PDE8B: variants seen among roughly 807,000 people sequenced by gnomAD.
The protein encoded by PDE8B is phosphodiesterase 8B.
In PDE8B, 26 loss-of-function variants were observed where a neutral mutation model predicts 101.3. That is an observed-to-expected ratio of 0.26 (90% CI 0.19 to 0.36). PDE8B has a LOEUF of 0.36. Ranked by LOEUF, PDE8B falls within the 10% of genes least tolerant of loss-of-function variation. The probability of loss-of-function intolerance (pLI) is 1.00; values close to 1 mark genes in which losing one functional copy is unlikely to be tolerated. For synonymous variants in PDE8B, 424 were observed against 429.3 expected, an observed-to-expected ratio of 0.99 and a Z score of 0.15; for missense variants, 810 against 1,163.1, an observed-to-expected ratio of 0.70 and a Z score of 4.42.
intron 1 of PDE8B, among the ~76,000 whole-genome samples, chr5:77,230,723 G>A (rs1401280976): frequency 6.6e-6 from 1 of 152,156 alleles, no homozygotes; most frequent in Non-Finnish European, 1.5e-5. Flanking sequence ...GGGATTACAG[G>A]CATGAGCCAC....
At chr5:77,205,798 G>A (rs996220823), upstream of PDE8B, among the ~76,000 whole-genome samples, 1 of 151,940 alleles carries the variant, frequency 6.6e-6, no homozygotes, top group Non-Finnish European at 1.5e-5. Flanking sequence ...ATCTATGTAC[G>A]TATCTATTTT....
chr5:77,326,951 A>G (rs529593503), intron 3 of PDE8B, among the ~76,000 whole-genome samples: 13 of 152,294 alleles, frequency 8.5e-5, no homozygotes, highest in African/African-American at 2.9e-4. Context: ...TAAGCTTTAC[A>G]TTTTTCTTTG....
chr5:77,254,131 C>T (rs1396499816), intron 1 of PDE8B, among the ~76,000 whole-genome samples: 4 of 151,894 alleles, frequency 2.6e-5, no homozygotes, highest in Non-Finnish European at 5.9e-5. Context: ...ATTTGTTATC[C>T]ATTGTGGATC....
chr5:77,389,018 T>C (rs770812185), intron 10 of PDE8B, among the ~76,000 whole-genome samples: 1 of 151,968 alleles, frequency 6.6e-6, no homozygotes, highest in Non-Finnish European at 1.5e-5. Context: ...TCTGTGGAGG[T>C]GGGACCCGCT....
intron 1 of PDE8B, among the ~76,000 whole-genome samples, chr5:77,251,590 T>C (rs1378339147): frequency 2.6e-5 from 4 of 152,204 alleles, no homozygotes; most frequent in Non-Finnish European, 4.4e-5. Context: ...TTTTCAGTTA[T>C]GACTTCTTCC....
At chr5:77,334,956 A>C (rs1022988608) in intron 5 of PDE8B, among the ~76,000 whole-genome samples, 19 of 152,244 alleles carry the variant, frequency 1.2e-4, no homozygotes, top group Non-Finnish European at 1.5e-5. Flanking sequence ...CACTTTTGCA[A>C]CATTGCATAT....
chr5:77,406,348 A>G (rs1289154241), intron 12 of PDE8B, among the ~76,000 whole-genome samples: 2 of 152,240 alleles, frequency 1.3e-5, no homozygotes, highest in Non-Finnish European at 2.9e-5. Flanking sequence ...GCTAGAGACA[A>G]GATGATAATT....
chr5:77,361,647 T>A (rs901386743), intron 10 of PDE8B, among the ~76,000 whole-genome samples: 3 of 152,010 alleles, frequency 2.0e-5, no homozygotes, highest in African/African-American at 7.3e-5. Context: ...CCCAAGTAGC[T>A]GGGACTACAG....
intron 10 of PDE8B, among the ~76,000 whole-genome samples, chr5:77,392,905 T>TA (rs913388259): frequency 1.3e-5 from 2 of 152,210 alleles, no homozygotes; most frequent in African/African-American, 4.8e-5. Context: ...CAATGAGAGA[T>TA]ACTTAACATT....
At chr5:77,227,467 G>A (rs1373091105) in intron 1 of PDE8B, among the ~76,000 whole-genome samples, 1 of 152,054 alleles carries the variant, frequency 6.6e-6, no homozygotes, top group African/African-American at 2.4e-5. Context: ...AGTTTGGGTG[G>A]GGCAGGAGAA....
At chr5:77,221,904 G>A (rs1446042565) in intron 1 of PDE8B, among the ~76,000 whole-genome samples, 4 of 152,154 alleles carry the variant, frequency 2.6e-5, no homozygotes, top group Admixed American at 6.5e-5. Flanking sequence ...GTCCTTATTC[G>A]AAACTCATTG....
At chr5:77,403,677 G>A (rs191109674) in intron 11 of PDE8B, among the ~76,000 whole-genome samples, 1 of 152,168 alleles carries the variant, frequency 6.6e-6, no homozygotes, top group East Asian at 1.9e-4. Flanking sequence ...AAAAGAGATA[G>A]TATAATAAAT....
chr5:77,233,262 C>CA (rs1753948341), intron 1 of PDE8B, among the ~76,000 whole-genome samples: 2 of 152,172 alleles, frequency 1.3e-5, no homozygotes, highest in African/African-American at 4.8e-5. Flanking sequence ...CTGGGTGACA[C>CA]AATGCAAGCC....
intron 1 of PDE8B, among the ~76,000 whole-genome samples, chr5:77,284,381 C>A (rs569802290): frequency 6.6e-6 from 1 of 152,226 alleles, no homozygotes; most frequent in African/African-American, 2.4e-5. Flanking sequence ...GGTGTCATAC[C>A]TAAAAAGTCA....
rs752209465 is a variant in PDE8B, at chr5:77,353,354, G to A, written c.1115G>A (p.Arg372Lys). The A allele has an allele frequency of 7.0e-6, 11 of 1,567,642 alleles. 1 individual carries two copies. The South Asian group carries it at 1.1e-4, about 16-fold the overall frequency. Residue 372 changes from arginine to lysine, a missense_variant, in exon 10 of 22, where the codon AGG (arginine) becomes AAG (lysine). Physicochemically the swap from Arg to Lys is conservative, Grantham distance 26 (BLOSUM62 2). Coordinates refer to ENST00000264917, the MANE Select transcript of PDE8B (RefSeq NM_003719.5). ...TPVIGQGGKI[R>K]HFVSLKKLCC... ...TGATTATTTGTTATTAGGAAAATTAGGCATTTTGTCTCGCTCAAGAAACTG... is the reference window on the plus strand; with the variant it reads ...TGATTATTTGTTATTAGGAAAATTAAGCATTTTGTCTCGCTCAAGAAACTG...
At chr5:77,093,085 G>A in the PDE8B span, among the ~76,000 whole-genome samples, 2 of 152,310 alleles carry the variant, frequency 1.3e-5, no homozygotes, top group East Asian at 3.9e-4. Flanking sequence ...TTTGGTATAA[G>A]AGTAATGCTA....
intron 1 of PDE8B, among the ~76,000 whole-genome samples, chr5:77,234,941 C>T (rs889051984): frequency 2.0e-5 from 3 of 152,150 alleles, no homozygotes; most frequent in African/African-American, 2.4e-5. Flanking sequence ...CAATGTAATG[C>T]CTGACACTTC....
At chr5:77,209,084 C>A (rs1747759780), upstream of PDE8B, among the ~76,000 whole-genome samples, 1 of 152,140 alleles carries the variant, frequency 6.6e-6, no homozygotes, top group African/African-American at 2.4e-5. Context: ...TCTAGGAGGA[C>A]CCAACCTGTG....
chr5:77,286,002 T>G (rs551681052), intron 1 of PDE8B, among the ~76,000 whole-genome samples: 3 of 152,332 alleles, frequency 2.0e-5, no homozygotes, highest in Non-Finnish European at 4.4e-5. Context: ...TTTATTTTTC[T>G]GCACTGAGGT....
Sources: gnomAD v4.1 joint callset for allele counts (sites outside exome capture counted in the v4.1 genomes callset) on GRCh38, gnomAD v4.1.1 for gene constraint, MANE v1.5 for transcripts, NCBI Gene and HGNC (gene_info 2026-07-23, HGNC 2026-07-21) for gene names.